Variants in ZEB2 observed in about 807,000 individuals in gnomAD.
The protein encoded by ZEB2 is zinc finger E-box binding homeobox 2.
In ZEB2, 6 loss-of-function variants were observed where a neutral mutation model predicts 99.9. That is an observed-to-expected ratio of 0.06 (90% CI 0.03 to 0.12). The LOEUF (loss-of-function observed/expected upper bound fraction) is 0.12, where lower values mean the gene tolerates loss of function less well. Among genes scored for constraint, ZEB2 ranks in the 10% least tolerant of loss-of-function variants. ZEB2 has a pLI of 1.00. For missense variants in ZEB2, 969 were observed against 1,502.8 expected (o/e 0.64, Z 5.87); for synonymous variants, 517 against 542.5 (o/e 0.95, Z 0.65).
intron 8 of ZEB2, 32 bp downstream of exon 8, chr2:144,398,269 T>C (rs753568692): frequency 6.2e-7 from 1 of 1,611,734 alleles, no homozygotes; most frequent in Non-Finnish European, 8.5e-7. Flanking sequence ...CCACCTCTTT[T>C]CTTCATAGCA....
intron 2 of ZEB2, among the ~76,000 whole-genome samples, chr2:144,489,614 T>C (rs1704647809): frequency 1.3e-5 from 2 of 152,244 alleles, no homozygotes; most frequent in South Asian, 4.1e-4. Context: ...GCTGCAGCAG[T>C]GAGCTGCGGA....
chr2:144,454,691 GCTCATTATTCTGA>G (rs1342818053), intron 2 of ZEB2, among the ~76,000 whole-genome samples: 1 of 152,054 alleles, frequency 6.6e-6, no homozygotes, highest in African/African-American at 2.4e-5. Context: ...TTATATGAAG[GCTCATTATTCTGA>G]CACCCACATG....
chr2:144,515,253 C>T (rs1705112089), intron 2 of ZEB2, among the ~76,000 whole-genome samples: 1 of 150,618 alleles, frequency 6.6e-6, no homozygotes, highest in Admixed American at 6.6e-5. Flanking sequence ...CTCCTTGACA[C>T]AAAGCTTTTG....
At chr2:144,507,951 GC>G (rs1276294492) in intron 2 of ZEB2, among the ~76,000 whole-genome samples, 2 of 152,140 alleles carry the variant, frequency 1.3e-5, no homozygotes, top group Non-Finnish European at 2.9e-5. Context: ...CTAAGGTTTT[GC>G]CAACCTCAAT....
intron 2 of ZEB2, among the ~76,000 whole-genome samples, chr2:144,434,001 T>C (rs189207813): frequency 6.6e-6 from 1 of 152,306 alleles, no homozygotes; most frequent in Admixed American, 6.5e-5. Flanking sequence ...GAAGATGCCC[T>C]ATACAATGTT....
intron 2 of ZEB2, among the ~76,000 whole-genome samples, chr2:144,469,380 G>A (rs1704322590): frequency 6.6e-6 from 1 of 152,102 alleles, no homozygotes; most frequent in Admixed American, 6.6e-5. Context: ...ACGCAAAGAT[G>A]TATCCAGCTT....
At chr2:144,517,500 A>T in intron 1 of ZEB2, 81 bp from the exon 2 acceptor site, 1 of 944,806 alleles carries the variant, frequency 1.1e-6, no homozygotes, top group Non-Finnish European at 1.7e-6. Context: ...GAGCCGGGCC[A>T]GGGCCCCGGC....
chr2:144,471,229 C>A (rs1482116724), intron 2 of ZEB2, among the ~76,000 whole-genome samples: 1 of 152,142 alleles, frequency 6.6e-6, no homozygotes, highest in Non-Finnish European at 1.5e-5. Flanking sequence ...CTTCTACAAA[C>A]CCCCAGAGTA....
At chr2:144,433,871 G>T (rs973797021) in intron 2 of ZEB2, among the ~76,000 whole-genome samples, 4 of 152,064 alleles carry the variant, frequency 2.6e-5, no homozygotes, top group African/African-American at 7.2e-5. Context: ...AGCAAAATTT[G>T]ACATTTTTAT....
chr2:144,452,881 A>G (rs1480277059), intron 2 of ZEB2, among the ~76,000 whole-genome samples: 2 of 152,138 alleles, frequency 1.3e-5, no homozygotes, highest in Non-Finnish European at 2.9e-5. Flanking sequence ...CCCAACCTAA[A>G]CTACTGACAA....
At chr2:144,414,968 T>TGTG (rs1703519954) in intron 4 of ZEB2, among the ~76,000 whole-genome samples, 1 of 111,410 alleles carries the variant, frequency 9.0e-6, no homozygotes, top group Non-Finnish European at 1.9e-5. Context: ...GTGTGTGTGT[T>TGTG]TGTATATGTG....
chr2:144,424,103 C>T (rs1004245478), intron 4 of ZEB2, among the ~76,000 whole-genome samples: 4 of 152,124 alleles, frequency 2.6e-5, no homozygotes, highest in Non-Finnish European at 5.9e-5. Context: ...AGATGCCATT[C>T]AGTGTTTGGG....
intron 2 of ZEB2, among the ~76,000 whole-genome samples, chr2:144,508,821 T>C (rs1340869938): frequency 6.6e-6 from 1 of 152,066 alleles, no homozygotes; most frequent in Non-Finnish European, 1.5e-5. Context: ...AAACTTCTGG[T>C]GTCTTTTATA....
intron 4 of ZEB2, chr2:144,424,514 C>T (rs1703664160): frequency 1.6e-6 from 1 of 616,492 alleles, no homozygotes; most frequent in East Asian, 3.4e-5. Context: ...AAAGTTACTA[C>T]TAGAAATTCA....
rs576808891 is a variant in ZEB2, at chr2:144,453,717, C to T, written c.74-23691G>A. 8.5e-5 allele frequency among the ~76,000 whole-genome samples: 13 copies of T among 152,128 alleles called. 1 individual carries two copies. The highest frequency in any genetic ancestry group is 2.4e-4 in the African/African-American group (10 of 41,488). The stretch of plus-strand genomic sequence containing the variant: ...CGGCACCCCCTCACCCCTTTTGTGG[C>T]GACAAAGCAAGGAGGAAGGGCAATC... On this transcript the variant is annotated intron_variant, in intron 2 of 9. Transcript: ENST00000627532.
intron 2 of ZEB2, chr2:144,455,163 G>A (rs953085471): frequency 1.3e-5 from 2 of 152,082 alleles, no homozygotes; most frequent in Non-Finnish European, 2.9e-5. Flanking sequence ...GCTTCAATCC[G>A]CAGGTCTGTC....
chr2:144,403,884 T>C (rs1156533357), intron 6 of ZEB2, 32 bp downstream of exon 6: 3 of 1,612,260 alleles, frequency 1.9e-6, no homozygotes, highest in East Asian at 2.2e-5. Context: ...GGGGTTATTA[T>C]AGAAAGAAAT....
intron 2 of ZEB2, among the ~76,000 whole-genome samples, chr2:144,484,754 C>G (rs539505277): frequency 6.6e-6 from 1 of 152,048 alleles, no homozygotes. Context: ...TGGAATGCGA[C>G]TGAAGTGGGA....
intron 2 of ZEB2, among the ~76,000 whole-genome samples, chr2:144,434,644 T>C (rs1703814354): frequency 1.3e-5 from 2 of 152,220 alleles, no homozygotes; most frequent in Non-Finnish European, 2.9e-5. Context: ...TTTGGGATTT[T>C]CATGCCACAA....
Sources: allele counts gnomAD v4.1 joint callset (sites outside exome capture counted in the v4.1 genomes callset), GRCh38; gene constraint gnomAD v4.1.1; transcripts MANE v1.5; gene names NCBI Gene and HGNC (gene_info 2026-07-23, HGNC 2026-07-21).